The following NPNT variants were observed in gnomAD, a reference collection of about 807,000 sequenced individuals.
NPNT encodes the protein nephronectin.
A neutral mutation model predicts 68.6 loss-of-function variants in NPNT; 45 were observed. The observed-to-expected ratio is 0.66, with a 90% confidence interval of 0.52 to 0.84. The LOEUF (loss-of-function observed/expected upper bound fraction) is 0.84. NPNT is among the 40% of genes least tolerant of loss of function. NPNT has a pLI of 0.00. For missense variants in NPNT, 672 were observed against 714.8 expected, an observed-to-expected ratio of 0.94 and a Z score of 0.68; for synonymous variants, 233 against 253.3, an observed-to-expected ratio of 0.92 and a Z score of 0.76.
intron 2 of NPNT, among the ~76,000 whole-genome samples, chr4:105,919,240 A>AT (rs907631824): frequency 1.1e-4 from 17 of 151,112 alleles, no homozygotes; most frequent in Non-Finnish European, 1.8e-4. Context: ...CGTTTTACAC[A>AT]TTTTTTTTTC....
At chr4:105,964,737 C>A (rs10009298) in intron 10 of NPNT, among the ~76,000 whole-genome samples, 280 of 152,028 alleles carry the variant, frequency 1.8e-3, no homozygotes, top group African/African-American at 6.6e-3. Flanking sequence ...GAAAAATTAT[C>A]CTTTTTTAAT....
chr4:105,921,081 T>A (rs1312973669), intron 2 of NPNT, among the ~76,000 whole-genome samples: 3 of 152,212 alleles, frequency 2.0e-5, no homozygotes, highest in African/African-American at 7.2e-5. Context: ...TTTTCTTAAG[T>A]TATAGATTGT....
At chr4:105,903,518 C>T (rs1272323964) in intron 2 of NPNT, among the ~76,000 whole-genome samples, 1 of 152,128 alleles carries the variant, frequency 6.6e-6, no homozygotes, top group Admixed American at 6.5e-5. Flanking sequence ...TTAAATTTTT[C>T]CACCAATCTT....
intron 5 of NPNT, 114 bp downstream of exon 5, chr4:105,938,534 T>C: frequency 9.6e-7 from 1 of 1,045,652 alleles, no homozygotes; most frequent in Non-Finnish European, 1.4e-6. Context: ...GATAATTAGC[T>C]ATCGTTCAGA....
At chr4:105,911,592 C>G (rs1295780292) in intron 2 of NPNT, 1 of 153,056 alleles carries the variant, frequency 6.5e-6, no homozygotes, top group Non-Finnish European at 1.5e-5. Context: ...AGTGAAATGG[C>G]TGTGCTTTCA....
intron 2 of NPNT, among the ~76,000 whole-genome samples, chr4:105,918,355 A>G (rs377208157): frequency 9.9e-4 from 151 of 152,282 alleles, no homozygotes; most frequent in African/African-American, 3.6e-3. Context: ...GTTACATTAA[A>G]ATTTTCTGGC....
In NPNT at chr4:105,903,073, A is replaced by T. The variant is rs898042041; in HGVS notation, c.172+5072A>T. Among the ~76,000 whole-genome samples, 9 of 152,208 alleles carry T rather than the reference A, an allele frequency of 5.9e-5. No homozygotes were observed. In the South Asian group the frequency reaches 1.7e-3, roughly 28 times the overall value. ...CTGTCCTCAAATACCTGCCACAGGGATATGCTGCTTGAAGTTGCCCACGCA... is the reference window on the plus strand; with the variant it reads ...CTGTCCTCAAATACCTGCCACAGGGTTATGCTGCTTGAAGTTGCCCACGCA... On this transcript the variant is annotated intron_variant, in intron 2 of 11. Coordinates refer to ENST00000379987, the MANE Select transcript of NPNT (RefSeq NM_001033047.3).
intron 4 of NPNT, 98 bp from the exon 5 acceptor site, chr4:105,938,203 C>T: frequency 8.7e-7 from 1 of 1,144,982 alleles, no homozygotes; most frequent in Non-Finnish European, 1.2e-6. Flanking sequence ...CATTGTTGTT[C>T]AGTGTCACTG....
chr4:105,923,264 T>C (rs905883175), intron 2 of NPNT, among the ~76,000 whole-genome samples: 2 of 152,164 alleles, frequency 1.3e-5, no homozygotes, highest in African/African-American at 4.8e-5. Context: ...TTTCTCTAGT[T>C]TTGAAATGGT....
Position 105,940,145 on chromosome 4 carries a change from CTA to C in NPNT, c.577_578del (p.Tyr193HisfsTer6). Reference protein sequence around the residue: ...FRQCVNTFGSYICKCHKGFDL... With the variant: ...FRQCVNTFGSXICKCHKGFDL... ...GGCAATGTGTCAACACTTTTGGGAGCTACATCTGCAAGTGTCATAAAGGCTTC... is the reference window on the plus strand; with the variant it reads ...GGCAATGTGTCAACACTTTTGGGAGCCATCTGCAAGTGTCATAAAGGCTTC... On this transcript the variant is annotated frameshift_variant, in exon 6 of 12. Transcript: ENST00000379987. LOFTEE classifies it high-confidence loss of function. 6.2e-7 allele frequency: 1 copy of C among 1,611,874 alleles called. No individual in the cohort carries two copies. The highest frequency in any genetic ancestry group is 8.5e-7 in the Non-Finnish European group (1 of 1,178,048).
At chr4:105,949,552 A>T (rs1354717898) in intron 8 of NPNT, among the ~76,000 whole-genome samples, 1 of 152,150 alleles carries the variant, frequency 6.6e-6, no homozygotes, top group Non-Finnish European at 1.5e-5. Flanking sequence ...GCTGCAGGGG[A>T]TTGTTAAAAA....
chr4:105,966,559 G>A (rs964055219), intron 10 of NPNT, among the ~76,000 whole-genome samples: 5 of 152,234 alleles, frequency 3.3e-5, no homozygotes, highest in Admixed American at 3.3e-4. Flanking sequence ...GCTCCAGGAA[G>A]ACGGGGAGGG....
At chr4:105,907,432 G>A (rs975824632) in intron 2 of NPNT, among the ~76,000 whole-genome samples, 5 of 152,218 alleles carry the variant, frequency 3.3e-5, no homozygotes, top group Non-Finnish European at 7.3e-5. Flanking sequence ...TTTCTGCAGA[G>A]ACTAGCGTGA....
intron 2 of NPNT, among the ~76,000 whole-genome samples, chr4:105,910,338 C>A (rs1215965058): frequency 6.6e-6 from 1 of 152,162 alleles, no homozygotes; most frequent in Non-Finnish European, 1.5e-5. Context: ...GAATTCTAAA[C>A]TACCTGAGTA....
chr4:105,914,569 C>G (rs1727653402), intron 2 of NPNT, among the ~76,000 whole-genome samples: 1 of 146,828 alleles, frequency 6.8e-6, no homozygotes, highest in Non-Finnish European at 1.5e-5. Context: ...TAAAATGAAG[C>G]TCTAGGCATT....
chr4:105,935,790 G>A (rs1053398780), intron 3 of NPNT, among the ~76,000 whole-genome samples: 1 of 152,100 alleles, frequency 6.6e-6, no homozygotes, highest in Non-Finnish European at 1.5e-5. Context: ...TTTTTTAGAT[G>A]TAATAATTAT....
intron 11 of NPNT, among the ~76,000 whole-genome samples, chr4:105,968,130 C>A (rs1383986992): frequency 6.6e-6 from 1 of 152,126 alleles, no homozygotes; most frequent in East Asian, 1.9e-4. Flanking sequence ...ATGAAACTTG[C>A]TGTTGGGAGA....
At chr4:105,942,277 C>A in intron 7 of NPNT, 30 bp from the exon 8 acceptor site, 1 of 1,542,714 alleles carries the variant, frequency 6.5e-7, no homozygotes, top group South Asian at 1.2e-5. Flanking sequence ...GGAATGGTTA[C>A]ATACTGATTT....
chr4:105,915,080 T>C (rs1247561380), intron 2 of NPNT, among the ~76,000 whole-genome samples: 1 of 152,176 alleles, frequency 6.6e-6, no homozygotes, highest in African/African-American at 2.4e-5. Flanking sequence ...TTTGTAGTTG[T>C]CAGTGTCTCA....
Sources: gnomAD v4.1 joint callset for allele counts (sites outside exome capture counted in the v4.1 genomes callset) on GRCh38, gnomAD v4.1.1 for gene constraint, MANE v1.5 for transcripts, NCBI Gene and HGNC (gene_info 2026-07-23, HGNC 2026-07-21) for gene names.